PCSK5: variants seen among roughly 807,000 people sequenced by gnomAD.
PCSK5 encodes proprotein convertase subtilisin/kexin type 5, also known as prohormone convertase 5.
In PCSK5, 129 loss-of-function variants were observed where a neutral mutation model predicts 233.2. The ratio of observed to expected loss-of-function variants is 0.55; its 90% CI spans 0.48 to 0.64. The LOEUF (loss-of-function observed/expected upper bound fraction) is 0.64, where lower values mean the gene tolerates loss of function less well. PCSK5 is among the 30% of genes least tolerant of loss of function. The pLI is 0.00. For synonymous variants in PCSK5, 825 were observed against 879.2 expected (o/e 0.94, Z 1.09); for missense variants, 2,076 against 2,430.1 (o/e 0.85, Z 3.06).
At chr9:76,019,572 A>C (rs1174263117) in intron 3 of PCSK5, among the ~76,000 whole-genome samples, 9 of 152,060 alleles carry the variant, frequency 5.9e-5, no homozygotes, top group Non-Finnish European at 1.3e-4. Context: ...AAGCCCTCCC[A>C]CCCATAAACC....
At chr9:76,315,110 G>T (rs917403738) in intron 30 of PCSK5, among the ~76,000 whole-genome samples, 2 of 150,854 alleles carry the variant, frequency 1.3e-5, no homozygotes, top group African/African-American at 4.9e-5. Context: ...CCATCACCAC[G>T]CCCAGCTAAT....
chr9:75,958,415 C>T (rs1825190299), intron 2 of PCSK5, among the ~76,000 whole-genome samples: 1 of 152,154 alleles, frequency 6.6e-6, no homozygotes, highest in Non-Finnish European at 1.5e-5. Context: ...GTATGCTTAA[C>T]AGTGATTTAC....
intron 7 of PCSK5, among the ~76,000 whole-genome samples, chr9:76,081,480 C>T (rs7857146): frequency 0.66 from 95,847 of 145,570 alleles, 30,774 homozygotes; most frequent in South Asian, 0.75. Context: ...AATAAACAAA[C>T]AAACAAATAA....
At chr9:76,250,094 CA>C (rs1826752636) in intron 24 of PCSK5, among the ~76,000 whole-genome samples, 1 of 152,134 alleles carries the variant, frequency 6.6e-6, no homozygotes, top group African/African-American at 2.4e-5. Context: ...ATCATAAGGT[CA>C]AGAGATCGAG....
Position 76,296,825 on chromosome 9 carries a change from G to A in PCSK5, c.3483G>A (p.Val1161=), listed in dbSNP as rs372724311. The change falls in exon 27 of 38, where the codon GTG becomes GTA. Residue 1161 remains valine (V), a synonymous_variant. Coordinates refer to ENST00000674117, the MANE Select transcript of PCSK5 (RefSeq NM_001372043.1). The part of the protein sequence containing the change: ...EGLQLLRGMC[V]HATKTQEEGK... ...TGCAGCTGCTGCGTGGGATGTGCGT[G>A]CATGCCACCAAGACCCAGGAGGAGG... 1.6e-4 allele frequency: 261 copies of A among 1,612,256 alleles called. 3 individuals carry two copies. The African/African-American group carries it at 3.3e-3, about 21-fold the overall frequency.
chr9:76,074,599 G>A (rs1830581963), intron 7 of PCSK5, among the ~76,000 whole-genome samples: 1 of 152,118 alleles, frequency 6.6e-6, no homozygotes, highest in South Asian at 2.1e-4. Flanking sequence ...GGTTAGGCTA[G>A]GATTGAGTCC....
At chr9:75,920,803 C>T (rs1260047145) in intron 1 of PCSK5, among the ~76,000 whole-genome samples, 1 of 151,246 alleles carries the variant, frequency 6.6e-6, no homozygotes, top group Non-Finnish European at 1.5e-5. Flanking sequence ...AAGACTCTGC[C>T]TCCAAAAAAA....
At chr9:76,171,947 G>A in intron 13 of PCSK5, among the ~76,000 whole-genome samples, 1 of 152,106 alleles carries the variant, frequency 6.6e-6, no homozygotes, top group Middle Eastern at 3.2e-3. Context: ...GGGTGTGTGT[G>A]TGTATGTGCA....
intron 2 of PCSK5, among the ~76,000 whole-genome samples, chr9:75,936,208 A>G (rs559372719): frequency 2.0e-5 from 3 of 152,280 alleles, no homozygotes; most frequent in South Asian, 2.1e-4. Context: ...TTTTGCCTCA[A>G]TGTTGGTGGC....
chr9:76,119,933 C>G (rs996684199), intron 9 of PCSK5, among the ~76,000 whole-genome samples: 1 of 151,926 alleles, frequency 6.6e-6, no homozygotes, highest in African/African-American at 2.4e-5. Context: ...ATTTCTACCT[C>G]CCCCCAGCAC....
chr9:76,282,908 C>T (rs1827929654), intron 24 of PCSK5, among the ~76,000 whole-genome samples: 1 of 152,124 alleles, frequency 6.6e-6, no homozygotes, highest in South Asian at 2.1e-4. Flanking sequence ...TTGATTCTAA[C>T]CCTCATGAAT....
chr9:75,918,462 T>C lies in PCSK5; in HGVS notation c.193-13917T>C, dbSNP rs577093528. Among the ~76,000 whole-genome samples the C allele has an allele frequency of 2.6e-5, 4 of 152,378 alleles. No homozygotes were observed. The South Asian group carries it at 8.3e-4, about 32-fold the overall frequency. ...AGTGCTTCTGGCCCCAGGGCCACAC[T>C]TTGAGAGCCACTGATTTATAGATTT... On this transcript the variant is annotated intron_variant, in intron 1 of 37. Coordinates refer to ENST00000674117, the MANE Select transcript of PCSK5 (RefSeq NM_001372043.1).
intron 6 of PCSK5, among the ~76,000 whole-genome samples, chr9:76,070,697 C>G (rs1197195454): frequency 2.0e-5 from 3 of 152,102 alleles, no homozygotes; most frequent in Non-Finnish European, 2.9e-5. Context: ...AAAAGTTAAA[C>G]ATAGTTCCTT....
At chr9:76,018,704 TC>T (rs1201607107) in intron 3 of PCSK5, among the ~76,000 whole-genome samples, 1 of 152,166 alleles carries the variant, frequency 6.6e-6, no homozygotes, top group Non-Finnish European at 1.5e-5. Context: ...GAAGTGAACT[TC>T]CTGTTGCTGA....
In PCSK5 at chr9:76,274,934, G is replaced by A. The variant is rs7020764; in HGVS notation, c.3143-17299G>A. On this transcript the variant is annotated intron_variant, in intron 24 of 37. Transcript: ENST00000674117. Reference sequence around the variant, plus strand: ...GGGGGAGAAAGCAAGGGGAGGGGAGGCACCAGGCTCTTTTGAACAAGCAGC... The same window carrying A: ...GGGGGAGAAAGCAAGGGGAGGGGAGACACCAGGCTCTTTTGAACAAGCAGC... Among the ~76,000 whole-genome samples, 904 of 152,126 alleles carry A rather than the reference G, an allele frequency of 5.9e-3. 12 individuals carry two copies. The highest frequency in any genetic ancestry group is 0.02 in the African/African-American group (813 of 41,502).
intron 5 of PCSK5, among the ~76,000 whole-genome samples, chr9:76,039,379 A>C (rs546085644): frequency 6.6e-6 from 1 of 152,190 alleles, no homozygotes; most frequent in Admixed American, 6.5e-5. Flanking sequence ...ATACTTTGTT[A>C]AGGATGGTAC....
chr9:75,902,622 A>C (rs143370366), intron 1 of PCSK5, among the ~76,000 whole-genome samples: 5,356 of 152,280 alleles, frequency 0.035, 157 homozygotes, highest in Admixed American at 0.073. Flanking sequence ...GGCGAAGTCT[A>C]ATGGGTTGGA....
chr9:76,320,836 G>A (rs1829177961), intron 30 of PCSK5, among the ~76,000 whole-genome samples: 1 of 144,964 alleles, frequency 6.9e-6, no homozygotes, highest in Non-Finnish European at 1.5e-5. Flanking sequence ...TTTTTTTTAA[G>A]ACAGAGTCTC....
intron 8 of PCSK5, among the ~76,000 whole-genome samples, chr9:76,097,459 C>T (rs1397664604): frequency 6.6e-6 from 1 of 152,088 alleles, no homozygotes; most frequent in African/African-American, 2.4e-5. Flanking sequence ...GACGGGGGTG[C>T]ATTTCTTATA....
Sources: allele counts gnomAD v4.1 joint callset (sites outside exome capture counted in the v4.1 genomes callset), GRCh38; gene constraint gnomAD v4.1.1; transcripts MANE v1.5; gene names NCBI Gene and HGNC (gene_info 2026-07-23, HGNC 2026-07-21).